The following ITGA8 variants were observed in gnomAD, a reference collection of about 807,000 sequenced individuals.
ITGA8 encodes integrin alpha-8.
In ITGA8, 91 loss-of-function variants were observed where a neutral mutation model predicts 142.3. The observed-to-expected ratio is 0.64, with a 90% CI of 0.54 to 0.76. ITGA8 has a LOEUF of 0.76. Ranked by LOEUF, ITGA8 falls within the 30% of genes least tolerant of loss-of-function variation. The pLI, the probability that ITGA8 is intolerant of heterozygous loss-of-function variation, is 0.00. For synonymous variants in ITGA8, 505 were observed against 485.2 expected, an observed-to-expected ratio of 1.04 and a Z score of -0.54; for missense variants, 1,406 against 1,327.7, an observed-to-expected ratio of 1.06 and a Z score of -0.92.
At chr10:15,570,602 C>A (rs552689394) in intron 25 of ITGA8, among the ~76,000 whole-genome samples, 1 of 124,950 alleles carries the variant, frequency 8.0e-6, no homozygotes. Flanking sequence ...AATAGCGAAA[C>A]TCCATCTCAA....
chr10:15,567,185 G>T (rs1834096109), intron 25 of ITGA8, among the ~76,000 whole-genome samples: 1 of 150,644 alleles, frequency 6.6e-6, no homozygotes, highest in South Asian at 2.1e-4. Flanking sequence ...AATAGAAAAA[G>T]AAAAATCCTT....
intron 2 of ITGA8, among the ~76,000 whole-genome samples, chr10:15,700,957 T>C (rs1835153031): frequency 1.3e-5 from 2 of 152,318 alleles, no homozygotes; most frequent in South Asian, 4.1e-4. Context: ...TGTTTTTATA[T>C]AGGTATTATC....
At chr10:15,684,554 G>T (rs1834801139) in intron 3 of ITGA8, among the ~76,000 whole-genome samples, 1 of 151,870 alleles carries the variant, frequency 6.6e-6, no homozygotes, top group Non-Finnish European at 1.5e-5. Flanking sequence ...TTTGTTTTTT[G>T]TAGAGACAGA....
At chr10:15,675,224 T>C (rs920397655) in intron 6 of ITGA8, among the ~76,000 whole-genome samples, 1 of 152,176 alleles carries the variant, frequency 6.6e-6, no homozygotes, top group African/African-American at 2.4e-5. Flanking sequence ...TGAAACCCTT[T>C]GGGTATCTCA....
intron 13 of ITGA8, among the ~76,000 whole-genome samples, chr10:15,630,040 A>G (rs1417111663): frequency 1.3e-5 from 2 of 152,086 alleles, no homozygotes; most frequent in African/African-American, 2.4e-5. Context: ...AAAATAATTG[A>G]GACTTGTCAT....
At chr10:15,599,684 G>C (rs2131603428) in intron 20 of ITGA8, among the ~76,000 whole-genome samples, 1 of 149,046 alleles carries the variant, frequency 6.7e-6, no homozygotes, top group Admixed American at 6.8e-5. Context: ...ACTTTGGGAG[G>C]CCGAGGCAGG....
intron 25 of ITGA8, among the ~76,000 whole-genome samples, chr10:15,565,031 C>T (rs896912018): frequency 6.6e-6 from 1 of 152,208 alleles, no homozygotes; most frequent in African/African-American, 2.4e-5. Flanking sequence ...TTGATGCTTT[C>T]TTAGTATTTG....
At chr10:15,654,986 G>A (rs1247189127) in intron 11 of ITGA8, among the ~76,000 whole-genome samples, 3 of 152,250 alleles carry the variant, frequency 2.0e-5, no homozygotes, top group Middle Eastern at 3.4e-3. Flanking sequence ...TTAAAAATCC[G>A]TTTATGTGCA....
At chr10:15,527,829 G>A (rs1833204469) in intron 28 of ITGA8, among the ~76,000 whole-genome samples, 1 of 148,080 alleles carries the variant, frequency 6.8e-6, no homozygotes, top group Non-Finnish European at 1.5e-5. Context: ...CTCAGGGGCA[G>A]ATTAGAGCTC....
At chr10:15,592,553 G>T (rs1832945061) in intron 21 of ITGA8, among the ~76,000 whole-genome samples, 2 of 152,170 alleles carry the variant, frequency 1.3e-5, no homozygotes, top group South Asian at 4.1e-4. Context: ...CCACCTTTTT[G>T]TGTGTTAAAT....
At position 15,516,945 on chromosome 10, in the gene ITGA8, C is replaced by A; in HGVS notation, c.*213G>T. 2.3e-6 allele frequency: 1 copy of A among 438,192 alleles called. No homozygotes were observed. 27.1% of individuals were successfully genotyped at this position (438,192 alleles called of 1,614,324 possible). A position where few individuals can be genotyped will look rare whatever the true frequency, so the allele number is the denominator to read the frequency against. ...CTTCCACAATTGCTGATGGCTTCTC[C>A]AGCTTTGGTGTTTCCTTTTCCAACA... On this transcript the variant is annotated 3_prime_UTR_variant, in exon 30 of 30. Transcript: ENST00000378076.
At chr10:15,526,299 C>G (rs1310681045) in intron 28 of ITGA8, among the ~76,000 whole-genome samples, 1 of 152,000 alleles carries the variant, frequency 6.6e-6, no homozygotes, top group African/African-American at 2.4e-5. Flanking sequence ...GCCTCAGCCT[C>G]CCGAGTAGCT....
intron 13 of ITGA8, among the ~76,000 whole-genome samples, chr10:15,634,906 C>CTA (rs1466268936): frequency 2.6e-5 from 4 of 151,200 alleles, no homozygotes; most frequent in South Asian, 2.1e-4. Flanking sequence ...TTATAAGGGT[C>CTA]TACTATTTTT....
intron 8 of ITGA8, among the ~76,000 whole-genome samples, chr10:15,668,530 A>G (rs559795492): frequency 3.2e-4 from 48 of 151,976 alleles, no homozygotes; most frequent in African/African-American, 1.1e-3. Flanking sequence ...TTTAAAGTTA[A>G]TATTTTTATG....
At chr10:15,624,853 T>G (rs1246685022) in intron 13 of ITGA8, among the ~76,000 whole-genome samples, 2 of 152,206 alleles carry the variant, frequency 1.3e-5, no homozygotes, top group African/African-American at 4.8e-5. Context: ...GGGTTACAGA[T>G]GGCGGATACA....
chr10:15,551,031 G>A (rs891981021), intron 26 of ITGA8, among the ~76,000 whole-genome samples: 38 of 152,216 alleles, frequency 2.5e-4, no homozygotes, highest in African/African-American at 8.7e-4. Flanking sequence ...AATGCTCTTT[G>A]GAGAAGAATG....
intron 2 of ITGA8, among the ~76,000 whole-genome samples, chr10:15,693,536 G>T (rs1013958634): frequency 1.3e-5 from 2 of 152,094 alleles, no homozygotes; most frequent in African/African-American, 4.8e-5. Context: ...CACCCAAAGT[G>T]CACATGACTA....
chr10:15,701,782 G>T (rs1420657410), intron 2 of ITGA8, among the ~76,000 whole-genome samples: 1 of 152,186 alleles, frequency 6.6e-6, no homozygotes, highest in Non-Finnish European at 1.5e-5. Flanking sequence ...CTTTAAGTTT[G>T]TCTCCTTGGA....
At chr10:15,552,086 A>G (rs17173408) in intron 26 of ITGA8, among the ~76,000 whole-genome samples, 8,369 of 152,236 alleles carry the variant, frequency 0.055, 747 homozygotes, top group African/African-American at 0.19. Context: ...CAGTGTACTA[A>G]TGAGACATAC....
Sources: gnomAD v4.1 joint callset for allele counts (sites outside exome capture counted in the v4.1 genomes callset) on GRCh38, gnomAD v4.1.1 for gene constraint, MANE v1.5 for transcripts, NCBI Gene and HGNC (gene_info 2026-07-23, HGNC 2026-07-21) for gene names.